The following SEL1L2 variants were observed in gnomAD, a reference collection of about 807,000 sequenced individuals.
SEL1L2 encodes the protein SEL1L2 adaptor subunit of SYVN1 ubiquitin ligase.
SEL1L2 carries 89 observed loss-of-function variants against 98.8 expected under a neutral mutation model. The ratio of observed to expected loss-of-function variants is 0.90; its 90% CI spans 0.76 to 1.07. The LOEUF is 1.07. Among genes scored for constraint, SEL1L2 ranks in the 50% least tolerant of loss-of-function variants. The probability of loss-of-function intolerance (pLI) is 0.00; values close to 1 mark genes in which losing one functional copy is unlikely to be tolerated. For missense variants in SEL1L2, 788 were observed against 812.0 expected, an observed-to-expected ratio of 0.97 and a Z score of 0.36; for synonymous variants, 262 against 278.5, an observed-to-expected ratio of 0.94 and a Z score of 0.59.
In SEL1L2 at chr20:13,870,199, T is replaced by G; in HGVS notation, c.1109A>C (p.Asn370Thr). 6.2e-7 allele frequency: 1 copy of G among 1,610,836 alleles called. No individual in the cohort carries two copies. The highest frequency in any genetic ancestry group is 8.5e-7 in the Non-Finnish European group (1 of 1,177,652). ...KYFSMAASKG[N>T]AIGLHGLGLL... ...ACCAAGCCCATGAAGGCCGATTGCA[T>G]TGCCCTAGAAGAGTTTTATAAAGCC... is the stretch of plus-strand genomic sequence containing the variant. Residue 370 changes from asparagine (N) to threonine (T), a missense_variant, in exon 13 of 20, where the codon AAT becomes ACT. Coordinates refer to ENST00000284951, the MANE Select transcript of SEL1L2 (RefSeq NM_025229.2).
At chr20:13,928,592 C>T (rs977233634) in intron 3 of SEL1L2, among the ~76,000 whole-genome samples, 2 of 152,248 alleles carry the variant, frequency 1.3e-5, no homozygotes, top group South Asian at 2.1e-4. Flanking sequence ...TGTATTACTG[C>T]GGGCCCTAGG....
rs779584914 is a variant in SEL1L2, at chr20:13,939,035, G to GTTTTT, written c.115-7265_115-7264insAAAAA. ...TTTTTTCTTTTTGGTTTGTTTGCTTGTTTTGTTTTTTTTTTTTTTTTTTTC... is the reference window on the plus strand; with the variant it reads ...TTTTTTCTTTTTGGTTTGTTTGCTTGTTTTTTTTTGTTTTTTTTTTTTTTTTTTTC... On this transcript the variant is annotated intron_variant, in intron 2 of 19. Coordinates refer to ENST00000284951, the MANE Select transcript of SEL1L2 (RefSeq NM_025229.2). Among the ~76,000 whole-genome samples the GTTTTT allele has an allele frequency of 5.2e-3, 162 of 31,402 alleles. 9 individuals carry two copies. Among genetic ancestry groups the GTTTTT allele is most frequent in the East Asian group, 7.6e-3 (9 of 1,190 alleles). The allele number at this position is 31,402 out of a possible 152,430, so 20.6% of individuals were successfully genotyped here.
At chr20:13,956,487 C>T (rs1026316954) in intron 1 of SEL1L2, among the ~76,000 whole-genome samples, 2 of 151,936 alleles carry the variant, frequency 1.3e-5, no homozygotes, top group African/African-American at 4.8e-5. Context: ...TAAGTGCCAT[C>T]TATTAATAGA....
chr20:13,849,942 G>A lies in SEL1L2; in HGVS notation c.1947+249C>T, dbSNP rs541821023. On this transcript the variant is annotated intron_variant, in intron 19 of 19. Coordinates refer to ENST00000284951, the MANE Select transcript of SEL1L2 (RefSeq NM_025229.2). ...TATAGCACATGTCACTGTGCTTAAG[G>A]CTTTGAATGTAGTGTGTACTGGAAA... 1.9e-4 allele frequency: 106 copies of A among 557,144 alleles called. No individual in the cohort carries two copies. In the South Asian group the frequency reaches 2.0e-3, roughly 10 times the overall value. 34.5% of individuals were successfully genotyped at this position (557,144 alleles called of 1,614,324 possible).
At chr20:13,870,654 G>A (rs186423734) in intron 12 of SEL1L2, among the ~76,000 whole-genome samples, 151 of 152,268 alleles carry the variant, frequency 9.9e-4, no homozygotes, top group Non-Finnish European at 1.6e-3. Context: ...CGGGCATGGT[G>A]GCCCATGCCT....
In SEL1L2 at chr20:13,974,475, CTTTTTTTTT is replaced by C. The variant is rs11484437; in HGVS notation, c.58+15993_58+16001del. On this transcript the variant is annotated intron_variant, in intron 1 of 19. Transcript: ENST00000284951. ...TTTTTTTCCTTTTCTCTCTCTCTCT[CTTTTTTTTT>C]TTTTTTTTTTTTGAGACAGAGTCTT... is the stretch of plus-strand genomic sequence containing the variant. Among the ~76,000 whole-genome samples the C allele has an allele frequency of 1.5e-4, 12 of 80,190 alleles. No homozygotes were observed. The Admixed American group carries it at 1.7e-3, about 11-fold the overall frequency. The allele number at this position is 80,190 out of a possible 152,430, so 52.6% of individuals were successfully genotyped here.
intron 1 of SEL1L2, among the ~76,000 whole-genome samples, chr20:13,982,754 C>T (rs2051901971): frequency 6.6e-6 from 1 of 151,382 alleles, no homozygotes; most frequent in Non-Finnish European, 1.5e-5. Flanking sequence ...AGGCCAGGCA[C>T]GGTGGCTCAC....
At chr20:13,958,497 G>A (rs996524027) in intron 1 of SEL1L2, among the ~76,000 whole-genome samples, 1 of 152,118 alleles carries the variant, frequency 6.6e-6, no homozygotes, top group African/African-American at 2.4e-5. Context: ...ACTATGGAAT[G>A]ATGTTAGACA....
chr20:13,980,257 C>T (rs554678527), intron 1 of SEL1L2, among the ~76,000 whole-genome samples: 101 of 152,242 alleles, frequency 6.6e-4, no homozygotes, highest in African/African-American at 2.2e-3. Context: ...GCTTTGTTGC[C>T]CAGGCTGGAG....
intron 2 of SEL1L2, among the ~76,000 whole-genome samples, chr20:13,946,889 G>A (rs1166687746): frequency 1.3e-5 from 2 of 152,378 alleles, no homozygotes; most frequent in East Asian, 1.9e-4. Context: ...TGACATGCCA[G>A]CTCCCTGCTG....
At chr20:13,900,037 A>G (rs2047599670) in intron 5 of SEL1L2, among the ~76,000 whole-genome samples, 1 of 152,212 alleles carries the variant, frequency 6.6e-6, no homozygotes, top group South Asian at 2.1e-4. Flanking sequence ...TGATTTACAT[A>G]ATAGAAAAAA....
chr20:13,896,514 C>T (rs571153028), intron 5 of SEL1L2, among the ~76,000 whole-genome samples: 3 of 149,518 alleles, frequency 2.0e-5, no homozygotes, highest in African/African-American at 4.9e-5. Flanking sequence ...ACTCCCCCCC[C>T]CCCCACACAC....
At chr20:13,978,723 A>G (rs1041862341) in intron 1 of SEL1L2, among the ~76,000 whole-genome samples, 1 of 152,172 alleles carries the variant, frequency 6.6e-6, no homozygotes, top group African/African-American at 2.4e-5. Context: ...ATAAAAAATA[A>G]AATAAAAATA....
chr20:13,904,043 AC>A (rs1469822812), intron 5 of SEL1L2, among the ~76,000 whole-genome samples: 4 of 152,216 alleles, frequency 2.6e-5, no homozygotes, highest in Non-Finnish European at 5.9e-5. Flanking sequence ...TTCAATTAAA[AC>A]AAAAGTACAT....
chr20:13,897,423 T>C (rs1484191129), intron 5 of SEL1L2, among the ~76,000 whole-genome samples: 1 of 152,074 alleles, frequency 6.6e-6, no homozygotes, highest in Non-Finnish European at 1.5e-5. Flanking sequence ...TACCAAACTT[T>C]AAAAAGTAGG....
intron 1 of SEL1L2, among the ~76,000 whole-genome samples, chr20:13,980,496 C>T (rs978404456): frequency 1.3e-5 from 2 of 152,210 alleles, no homozygotes; most frequent in Non-Finnish European, 2.9e-5. Flanking sequence ...GTGTGAGACA[C>T]CACACCTGGC....
chr20:13,920,898 C>T (rs931254320), intron 3 of SEL1L2, among the ~76,000 whole-genome samples: 6 of 152,134 alleles, frequency 3.9e-5, no homozygotes, highest in African/African-American at 1.4e-4. Context: ...TTCACACTAT[C>T]CAACCAATTT....
chr20:13,868,773 A>G (rs924880487), intron 14 of SEL1L2, among the ~76,000 whole-genome samples: 3 of 151,744 alleles, frequency 2.0e-5, no homozygotes, highest in African/African-American at 7.3e-5. Context: ...ATGCCAGGCT[A>G]ATTTTTGTAT....
At chr20:13,882,304 T>C (rs1464134658) in intron 10 of SEL1L2, among the ~76,000 whole-genome samples, 3 of 152,138 alleles carry the variant, frequency 2.0e-5, no homozygotes, top group African/African-American at 7.2e-5. Flanking sequence ...TACACTATGG[T>C]ATGTTGCAAG....
Sources: gnomAD v4.1 joint callset for allele counts (sites outside exome capture counted in the v4.1 genomes callset) on GRCh38, gnomAD v4.1.1 for gene constraint, MANE v1.5 for transcripts, NCBI Gene and HGNC (gene_info 2026-07-23, HGNC 2026-07-21) for gene names.